PDE1C: variants seen among roughly 807,000 people sequenced by gnomAD.
The protein encoded by PDE1C is dual specificity calcium/calmodulin-dependent 3',5'-cyclic nucleotide phosphodiesterase 1C.
Under a neutral mutation model 93.1 loss-of-function variants are expected in PDE1C, and 62 were observed. The observed-to-expected ratio is 0.67, with a 90% confidence interval of 0.54 to 0.82. The LOEUF is 0.82. PDE1C is among the 40% of genes least tolerant of loss of function. The pLI is 0.00. For missense variants in PDE1C, 742 were observed against 884.6 expected (o/e 0.84, Z 2.04); for synonymous variants, 325 against 310.1 (o/e 1.05, Z -0.50).
intron 2 of PDE1C, among the ~76,000 whole-genome samples, chr7:31,943,256 G>A (rs1351329700): frequency 6.6e-6 from 1 of 152,180 alleles, no homozygotes; most frequent in Non-Finnish European, 1.5e-5. Flanking sequence ...AGAGCCATAT[G>A]CCTATCACAT....
intron 3 of PDE1C, among the ~76,000 whole-genome samples, chr7:32,147,312 G>GAA (rs762750151): frequency 1.4e-5 from 2 of 145,442 alleles, no homozygotes; most frequent in African/African-American, 5.5e-5. Context: ...AAGAAAGAAA[G>GAA]AAAGAAAGAA....
intron 1 of PDE1C, among the ~76,000 whole-genome samples, chr7:32,222,785 C>T (rs1437004610): frequency 6.6e-6 from 1 of 152,166 alleles, no homozygotes; most frequent in Admixed American, 6.5e-5. Context: ...TAACATCAAA[C>T]ATATCAAAGC....
intron 17 of PDE1C, among the ~76,000 whole-genome samples, chr7:31,759,666 G>A (rs1371553358): frequency 1.3e-5 from 2 of 152,110 alleles, no homozygotes; most frequent in Non-Finnish European, 2.9e-5. Context: ...AAAAACAAAA[G>A]TTCAAGCCAA....
At chr7:31,633,228 C>T in the PDE1C span, among the ~76,000 whole-genome samples, 1 of 152,126 alleles carries the variant, frequency 6.6e-6, no homozygotes, top group South Asian at 2.1e-4. Flanking sequence ...CTGGAGAGTC[C>T]AAGCGAGCTG....
At chr7:31,892,635 T>TC (rs1748864278) in intron 2 of PDE1C, among the ~76,000 whole-genome samples, 3 of 152,162 alleles carry the variant, frequency 2.0e-5, no homozygotes, top group Non-Finnish European at 4.4e-5. Context: ...ACACCCAACC[T>TC]CTAGTAACCA....
At chr7:31,838,015 T>G (rs780643547) in intron 9 of PDE1C, 44 bp from the exon 10 acceptor site, 1 of 1,304,106 alleles carries the variant, frequency 7.7e-7, no homozygotes, top group Non-Finnish European at 1.1e-6. Context: ...AAGTCAAAAA[T>G]GGAAAGTAAA....
the PDE1C span, among the ~76,000 whole-genome samples, chr7:31,700,755 A>C: frequency 6.6e-6 from 1 of 152,124 alleles, no homozygotes; most frequent in Non-Finnish European, 1.5e-5. Context: ...CTCATTTACT[A>C]TTCTGAAAAT....
At position 32,216,926 on chromosome 7, in the gene PDE1C, G is replaced by C. The variant is rs546767837; in HGVS notation, c.86-7387C>G. On this transcript the variant is annotated intron_variant, in intron 1 of 18. Transcript: ENST00000396193. ...AGCCTTTATGCCTCTAGCCCCAGTGGGAGGAGGGTACCAGCCTGCAGGCAA... is the reference window on the plus strand; with the variant it reads ...AGCCTTTATGCCTCTAGCCCCAGTGCGAGGAGGGTACCAGCCTGCAGGCAA... 7.2e-4 allele frequency among the ~76,000 whole-genome samples: 109 copies of C among 152,284 alleles called. 1 individual carries two copies. Among genetic ancestry groups the C allele is most frequent in the African/African-American group, 2.5e-3 (105 of 41,562 alleles).
At chr7:32,088,288 T>C (rs1797246470) in intron 3 of PDE1C, among the ~76,000 whole-genome samples, 1 of 152,242 alleles carries the variant, frequency 6.6e-6, no homozygotes, top group Non-Finnish European at 1.5e-5. Flanking sequence ...GGACTTTTTT[T>C]TAATACCAGT....
At chr7:31,913,590 C>G (rs948205194) in intron 2 of PDE1C, among the ~76,000 whole-genome samples, 1 of 152,042 alleles carries the variant, frequency 6.6e-6, no homozygotes, top group Non-Finnish European at 1.5e-5. Flanking sequence ...ACAAAAGACA[C>G]AAAAATCTGA....
At chr7:32,041,440 G>A (rs923013435) in intron 2 of PDE1C, among the ~76,000 whole-genome samples, 81 of 151,950 alleles carry the variant, frequency 5.3e-4, no homozygotes, top group Admixed American at 4.3e-3. Flanking sequence ...CCCTCTCCTC[G>A]ACATCCCAAA....
chr7:32,017,070 T>C (rs917296183), intron 2 of PDE1C, among the ~76,000 whole-genome samples: 1 of 152,152 alleles, frequency 6.6e-6, no homozygotes, highest in Non-Finnish European at 1.5e-5. Context: ...TCATAGTTAC[T>C]GGGAATGCTA....
intron 3 of PDE1C, among the ~76,000 whole-genome samples, chr7:32,138,699 G>A (rs543208063): frequency 6.6e-6 from 1 of 152,268 alleles, no homozygotes; most frequent in East Asian, 1.9e-4. Flanking sequence ...CACTGCAAAT[G>A]TAGTTTTGTT....
intron 16 of PDE1C, among the ~76,000 whole-genome samples, chr7:31,790,686 T>G (rs1784489410): frequency 6.6e-6 from 1 of 152,098 alleles, no homozygotes; most frequent in East Asian, 1.9e-4. Context: ...CTCAGAATTC[T>G]TGCCCCACCC....
chr7:32,102,779 C>T (rs1328869005), intron 3 of PDE1C, among the ~76,000 whole-genome samples: 1 of 152,208 alleles, frequency 6.6e-6, no homozygotes, highest in Non-Finnish European at 1.5e-5. Flanking sequence ...GAGGCACTGG[C>T]CACTTGCCTG....
intron 1 of PDE1C, among the ~76,000 whole-genome samples, chr7:32,226,085 G>A (rs927953123): frequency 6.6e-6 from 1 of 152,048 alleles, no homozygotes; most frequent in African/African-American, 2.4e-5. Flanking sequence ...AAAGAAAGTT[G>A]CTTCAATTGT....
intron 3 of PDE1C, among the ~76,000 whole-genome samples, chr7:32,143,570 G>T (rs899278244): frequency 6.6e-6 from 1 of 152,008 alleles, no homozygotes; most frequent in Non-Finnish European, 1.5e-5. Context: ...ATATTCTGCA[G>T]CTGTCAAGTG....
At chr7:31,887,186 C>T (rs73690319) in intron 2 of PDE1C, among the ~76,000 whole-genome samples, 2,139 of 152,116 alleles carry the variant, frequency 0.014, 50 homozygotes, top group African/African-American at 0.049. Context: ...TAGAGTGATG[C>T]GTGAGTTTAG....
chr7:32,248,963 G>GGT (rs1809163348), intron 1 of PDE1C, among the ~76,000 whole-genome samples: 3 of 152,138 alleles, frequency 2.0e-5, no homozygotes, highest in Non-Finnish European at 4.4e-5. Flanking sequence ...ATAGTCTTCA[G>GGT]GTGTATGAAG....
Sources: allele counts gnomAD v4.1 joint callset (sites outside exome capture counted in the v4.1 genomes callset), GRCh38; gene constraint gnomAD v4.1.1; transcripts MANE v1.5; gene names NCBI Gene and HGNC (gene_info 2026-07-23, HGNC 2026-07-21).